ARID5B: variants seen among roughly 807,000 people sequenced by gnomAD.
ARID5B encodes the protein AT-rich interactive domain-containing protein 5B.
ARID5B carries 13 observed loss-of-function variants against 97.2 expected under a neutral mutation model. The observed-to-expected ratio is 0.13, with a 90% confidence interval of 0.09 to 0.21. The LOEUF is 0.21. Among genes scored for constraint, ARID5B ranks in the 10% least tolerant of loss-of-function variants. The pLI, the probability that ARID5B is intolerant of heterozygous loss-of-function variation, is 1.00. For synonymous variants in ARID5B, 556 were observed against 570.3 expected, an observed-to-expected ratio of 0.97 and a Z score of 0.36; for missense variants, 1,210 against 1,465.3, an observed-to-expected ratio of 0.83 and a Z score of 2.84.
At chr10:62,049,160 C>A in intron 4 of ARID5B, 1 of 1,235,342 alleles carries the variant, frequency 8.1e-7, no homozygotes, top group East Asian at 3.7e-5. Flanking sequence ...TCAGGATCCA[C>A]AAAACAGGCC....
intron 4 of ARID5B, among the ~76,000 whole-genome samples, chr10:62,040,539 A>G (rs1452522003): frequency 2.0e-5 from 3 of 152,178 alleles, no homozygotes; most frequent in African/African-American, 2.4e-5. Flanking sequence ...CTATAATCAT[A>G]ACATTGAATT....
rs146613970 is a variant in ARID5B, at chr10:62,094,668, T to G, written c.*1638T>G. The stretch of plus-strand genomic sequence containing the variant: ...GAGATATAACATTAAGGTGGACACA[T>G]TTTCTAACTGTATTAATTAAAAGTC... On this transcript the variant is annotated 3_prime_UTR_variant, in exon 10 of 10. Transcript: ENST00000279873. 4 of 231,048 alleles carry G rather than the reference T, an allele frequency of 1.7e-5. No homozygotes were observed. In the East Asian group the frequency reaches 1.8e-4, roughly 11 times the overall value. 14.3% of individuals were successfully genotyped at this position (231,048 alleles called of 1,614,324 possible).
intron 7 of ARID5B, among the ~76,000 whole-genome samples, chr10:62,062,243 T>A (rs1318157353): frequency 1.3e-5 from 2 of 152,232 alleles, no homozygotes; most frequent in Non-Finnish European, 2.9e-5. Context: ...ATCTTTGACA[T>A]GATCTGATAT....
chr10:61,998,149 G>C (rs908611290), intron 3 of ARID5B, among the ~76,000 whole-genome samples: 4 of 152,184 alleles, frequency 2.6e-5, no homozygotes, highest in African/African-American at 9.7e-5. Context: ...CCAGCCTGAG[G>C]AACTAAGTGA....
chr10:61,998,509 G>A (rs980011159), intron 3 of ARID5B, among the ~76,000 whole-genome samples: 8 of 152,166 alleles, frequency 5.3e-5, no homozygotes, highest in Non-Finnish European at 7.4e-5. Flanking sequence ...ACCAAAGCAC[G>A]GTGTTTGCCA....
chr10:61,946,371 A>G (rs1176241427), intron 3 of ARID5B, among the ~76,000 whole-genome samples: 2 of 152,204 alleles, frequency 1.3e-5, no homozygotes, highest in Non-Finnish European at 2.9e-5. Context: ...ACATCTTGTC[A>G]TAGAGACTTT....
chr10:62,085,221 C>A (rs1271019232), intron 8 of ARID5B, among the ~76,000 whole-genome samples: 2 of 152,138 alleles, frequency 1.3e-5, no homozygotes, highest in African/African-American at 4.8e-5. Flanking sequence ...TTTAAATGTA[C>A]CTGGCACATG....
At chr10:61,940,949 A>ATATG (rs1564608265) in intron 3 of ARID5B, among the ~76,000 whole-genome samples, 1 of 6,086 alleles carries the variant, frequency 1.6e-4, no homozygotes, top group African/African-American at 5.0e-4. Flanking sequence ...ATATATATAT[A>ATATG]TATATATATA....
chr10:61,991,073 C>CACACA (rs1554842863), intron 3 of ARID5B, among the ~76,000 whole-genome samples: 2 of 150,504 alleles, frequency 1.3e-5, no homozygotes, highest in African/African-American at 2.4e-5. Context: ...CACACACACA[C>CACACA]CAAATTTTGT....
intron 2 of ARID5B, among the ~76,000 whole-genome samples, chr10:61,935,587 T>G (rs7917482): frequency 0.01 from 1,578 of 152,164 alleles, 24 homozygotes; most frequent in Middle Eastern, 0.041. Context: ...GGGTGACTAC[T>G]AAGAATTAAT....
intron 9 of ARID5B, among the ~76,000 whole-genome samples, chr10:62,090,352 T>C (rs1026369444): frequency 6.6e-6 from 1 of 152,176 alleles, no homozygotes; most frequent in African/African-American, 2.4e-5. Flanking sequence ...GTGCATCATA[T>C]TGAATACATT....
At position 62,095,679 on chromosome 10, in the gene ARID5B, C is replaced by G. The variant is rs1284528495; in HGVS notation, c.*2649C>G. The G allele has an allele frequency of 8.6e-6, 2 of 232,792 alleles. No homozygotes were observed. Among genetic ancestry groups the G allele is most frequent in the Non-Finnish European group, 1.7e-5 (2 of 117,554 alleles). The allele number at this position is 232,792 out of a possible 1,614,324, so 14.4% of individuals were successfully genotyped here. A position where few individuals can be genotyped will look rare whatever the true frequency, so the allele number is the denominator to read the frequency against. ...TTGTTTTAAAACTCTGAACAGAGATCTTGGAAATCTTTCAAAAAGACCATT... is the reference window on the plus strand; with the variant it reads ...TTGTTTTAAAACTCTGAACAGAGATGTTGGAAATCTTTCAAAAAGACCATT... On this transcript the variant is annotated 3_prime_UTR_variant, in exon 10 of 10. Transcript: ENST00000279873.
chr10:62,027,348 G>A (rs995851623), intron 4 of ARID5B, among the ~76,000 whole-genome samples: 10 of 113,882 alleles, frequency 8.8e-5, no homozygotes, highest in Non-Finnish European at 1.5e-4. Context: ...TTGCTCTGTC[G>A]CTCAGGCTGG....
At chr10:62,071,430 T>G (rs966630073) in intron 8 of ARID5B, among the ~76,000 whole-genome samples, 3 of 152,082 alleles carry the variant, frequency 2.0e-5, no homozygotes, top group Non-Finnish European at 4.4e-5. Flanking sequence ...CCTCAACACC[T>G]GAACCATCAA....
intron 3 of ARID5B, among the ~76,000 whole-genome samples, chr10:61,999,784 T>C (rs1016059214): frequency 2.0e-5 from 3 of 152,170 alleles, no homozygotes; most frequent in African/African-American, 7.2e-5. Context: ...AAATGAAGAT[T>C]CTTTCAAAAC....
intron 3 of ARID5B, among the ~76,000 whole-genome samples, chr10:61,946,295 G>A (rs1844497969): frequency 6.6e-6 from 1 of 151,948 alleles, no homozygotes; most frequent in South Asian, 2.1e-4. Context: ...TGTGGACATG[G>A]GAAGGATTCT....
At chr10:62,024,806 T>C (rs368611080) in intron 4 of ARID5B, 1 of 381,918 alleles carries the variant, frequency 2.6e-6, no homozygotes, top group Non-Finnish European at 4.7e-6. Context: ...ATCATCTGTA[T>C]TGTTATTCTT....
chr10:61,945,773 CATT>C (rs1844489202), intron 3 of ARID5B, among the ~76,000 whole-genome samples: 1 of 151,850 alleles, frequency 6.6e-6, no homozygotes, highest in African/African-American at 2.4e-5. Context: ...ATTATTAGTA[CATT>C]ATTATTATCA....
intron 8 of ARID5B, among the ~76,000 whole-genome samples, chr10:62,079,586 G>A (rs1416104987): frequency 6.6e-6 from 1 of 152,196 alleles, no homozygotes; most frequent in African/African-American, 2.4e-5. Flanking sequence ...CAGGAAAGCT[G>A]TCATCCTTGA....
Sources: gnomAD v4.1 joint callset for allele counts (sites outside exome capture counted in the v4.1 genomes callset) on GRCh38, gnomAD v4.1.1 for gene constraint, MANE v1.5 for transcripts, NCBI Gene and HGNC (gene_info 2026-07-23, HGNC 2026-07-21) for gene names.